Variants in MAGI2 observed in about 807,000 individuals in gnomAD.
MAGI2 encodes the protein membrane associated guanylate kinase, WW and PDZ domain containing 2.
Under a neutral mutation model 133.3 loss-of-function variants are expected in MAGI2, and 35 were observed. That is an observed-to-expected ratio of 0.26 (90% CI 0.20 to 0.35). The LOEUF is 0.35. Among genes scored for constraint, MAGI2 ranks in the 10% least tolerant of loss-of-function variants. The probability of loss-of-function intolerance (pLI) is 1.00; values close to 1 mark genes in which losing one functional copy is unlikely to be tolerated. For missense variants in MAGI2, 1,636 were observed against 1,863.4 expected (o/e 0.88, Z 2.25); for synonymous variants, 729 against 710.6 (o/e 1.03, Z -0.41).
chr7:78,195,019 T>C lies in MAGI2; in HGVS notation c.2124A>G (p.Leu708=), dbSNP rs1169549670. ...WENQGSPQTS[L]SAPAIPQNLP... is the part of the protein sequence containing the mutation. ...GGTTCTGCGGTATGGCCGGAGCAGA[T>C]AAACTCGTTTGAGGACTGCCTTGAT... The change falls in exon 12 of 22, where the codon TTA becomes TTG. Residue 708 remains leucine (L), a synonymous_variant. Transcript: ENST00000354212. 5 of 1,613,528 alleles carry C rather than the reference T, an allele frequency of 3.1e-6. No individual in the cohort carries two copies. Among genetic ancestry groups the C allele is most frequent in the Non-Finnish European group, 2.5e-6 (3 of 1,179,798 alleles).
intron 2 of MAGI2, among the ~76,000 whole-genome samples, chr7:78,785,667 T>C (rs946156735): frequency 6.6e-6 from 1 of 152,214 alleles, no homozygotes; most frequent in African/African-American, 2.4e-5. Flanking sequence ...GCCATACTAT[T>C]TATTTCTCCT....
chr7:78,725,628 C>T (rs1465108453), intron 2 of MAGI2, among the ~76,000 whole-genome samples: 1 of 152,196 alleles, frequency 6.6e-6, no homozygotes, highest in South Asian at 2.1e-4. Flanking sequence ...GAAACCCTGT[C>T]TCTATTAAAA....
At chr7:79,403,671 C>T (rs1350128140) in intron 1 of MAGI2, among the ~76,000 whole-genome samples, 1 of 152,082 alleles carries the variant, frequency 6.6e-6, no homozygotes, top group Non-Finnish European at 1.5e-5. Flanking sequence ...ATTTCAAAAT[C>T]TAAACTGTGT....
At chr7:78,932,144 A>G (rs1800179760) in intron 2 of MAGI2, among the ~76,000 whole-genome samples, 1 of 152,046 alleles carries the variant, frequency 6.6e-6, no homozygotes, top group African/African-American at 2.4e-5. Context: ...AGCATAATAA[A>G]ATGACAGTGT....
intron 6 of MAGI2, among the ~76,000 whole-genome samples, chr7:78,383,773 G>T (rs780260084): frequency 6.6e-6 from 1 of 151,952 alleles, no homozygotes; most frequent in Non-Finnish European, 1.5e-5. Flanking sequence ...GTTGATTTTT[G>T]TATATAGTGA....
chr7:78,131,061 A>G (rs1821509635), intron 18 of MAGI2, among the ~76,000 whole-genome samples: 2 of 152,232 alleles, frequency 1.3e-5, no homozygotes, highest in Admixed American at 6.5e-5. Context: ...TGGCTGCGAG[A>G]TTAATCGACA....
At chr7:79,316,641 A>G (rs1838744614) in intron 1 of MAGI2, among the ~76,000 whole-genome samples, 1 of 152,150 alleles carries the variant, frequency 6.6e-6, no homozygotes, top group Non-Finnish European at 1.5e-5. Flanking sequence ...TCATTTTCTT[A>G]TCCTGTCCCT....
chr7:78,675,589 C>T (rs1048940197), intron 2 of MAGI2, among the ~76,000 whole-genome samples: 2 of 152,114 alleles, frequency 1.3e-5, no homozygotes, highest in African/African-American at 4.8e-5. Context: ...TCAGGCTTTG[C>T]TCCGGATTCT....
chr7:78,037,749 C>T (rs1185871781), intron 21 of MAGI2, among the ~76,000 whole-genome samples: 1 of 152,204 alleles, frequency 6.6e-6, no homozygotes, highest in Non-Finnish European at 1.5e-5. Context: ...GCAACCCCTG[C>T]AGAGAGTGTC....
At chr7:78,226,263 TG>T (rs1272320635) in intron 10 of MAGI2, among the ~76,000 whole-genome samples, 1 of 150,286 alleles carries the variant, frequency 6.7e-6, no homozygotes, top group Non-Finnish European at 1.5e-5. Flanking sequence ...CCCCTACCGG[TG>T]TGCAGTGCAG....
chr7:79,425,268 A>G (rs1488309334), intron 1 of MAGI2, among the ~76,000 whole-genome samples: 2 of 151,556 alleles, frequency 1.3e-5, no homozygotes, highest in Non-Finnish European at 2.9e-5. Context: ...AAAAAAAAAA[A>G]AGTCTGATGT....
intron 2 of MAGI2, among the ~76,000 whole-genome samples, chr7:78,653,075 C>T (rs551360570): frequency 6.6e-6 from 1 of 152,218 alleles, no homozygotes; most frequent in South Asian, 2.1e-4. Flanking sequence ...CGAATCAAAA[C>T]CACAATGAGA....
chr7:78,527,088 C>T (rs1797042467), intron 3 of MAGI2, among the ~76,000 whole-genome samples: 1 of 148,370 alleles, frequency 6.7e-6, no homozygotes, highest in Non-Finnish European at 1.5e-5. Flanking sequence ...AAAAGAATAG[C>T]CCATTGTCAA....
chr7:79,348,413 TA>T (rs1333905682), intron 1 of MAGI2, among the ~76,000 whole-genome samples: 5 of 151,910 alleles, frequency 3.3e-5, no homozygotes, highest in Non-Finnish European at 7.4e-5. Context: ...TTTTATTTAT[TA>T]AATTTTTTGA....
At chr7:79,325,515 G>T (rs1839621516) in intron 1 of MAGI2, among the ~76,000 whole-genome samples, 1 of 152,098 alleles carries the variant, frequency 6.6e-6, no homozygotes, top group South Asian at 2.1e-4. Context: ...ATCAGTTATG[G>T]TGCAAAGCAT....
At position 78,019,329 on chromosome 7, in the gene MAGI2, C is replaced by G. The variant is rs1808048183; in HGVS notation, c.4354G>C (p.Ala1452Pro). ...GGCCGCGCGGCTCATCTGCTGGCGG[C>G]CGAGGCGCCGGGTTTGAGGACGCTG... ...LPSVLKPGAS[A>P]ASR Residue 1452 changes from alanine (A) to proline (P), a missense_variant, in exon 22 of 22, where the codon GCC becomes CCC. By Grantham distance (27) the Ala-to-Pro change is conservative. Coordinates refer to ENST00000354212, the MANE Select transcript of MAGI2 (RefSeq NM_012301.4). 1 of 1,549,036 alleles carries G rather than the reference C, an allele frequency of 6.5e-7. No homozygotes were observed. The highest frequency in any genetic ancestry group is 1.4e-5 in the African/African-American group (1 of 72,298).
chr7:78,910,978 A>G (rs1798359203), intron 2 of MAGI2, among the ~76,000 whole-genome samples: 1 of 152,190 alleles, frequency 6.6e-6, no homozygotes, highest in South Asian at 2.1e-4. Context: ...TCTATGGCCT[A>G]TGTTTTAGTA....
chr7:79,126,557 T>G (rs1820422627), intron 1 of MAGI2, among the ~76,000 whole-genome samples: 1 of 152,092 alleles, frequency 6.6e-6, no homozygotes, highest in Non-Finnish European at 1.5e-5. Flanking sequence ...CATGACACAG[T>G]ATCAGTCCTG....
intron 3 of MAGI2, among the ~76,000 whole-genome samples, chr7:78,621,074 G>A (rs891956451): frequency 8.6e-5 from 13 of 151,978 alleles, no homozygotes; most frequent in African/African-American, 3.1e-4. Flanking sequence ...GGCAGGATTC[G>A]CTGACTTAGA....
Sources: allele counts gnomAD v4.1 joint callset (sites outside exome capture counted in the v4.1 genomes callset), GRCh38; gene constraint gnomAD v4.1.1; transcripts MANE v1.5; gene names NCBI Gene and HGNC (gene_info 2026-07-23, HGNC 2026-07-21).